The following CCAR1 variants were observed in gnomAD, a reference collection of about 807,000 sequenced individuals.
CCAR1 encodes the protein cell division cycle and apoptosis regulator protein 1.
CCAR1 carries 78 observed loss-of-function variants against 163.8 expected under a neutral mutation model. The ratio of observed to expected loss-of-function variants is 0.48; its 90% CI spans 0.40 to 0.57. CCAR1 has a LOEUF of 0.57. Among genes scored for constraint, CCAR1 ranks in the 20% least tolerant of loss-of-function variants. The probability of loss-of-function intolerance (pLI) is 0.00; values close to 1 mark genes in which losing one functional copy is unlikely to be tolerated. For synonymous variants in CCAR1, 443 were observed against 460.7 expected (o/e 0.96, Z 0.49); for missense variants, 1,019 against 1,365.2 (o/e 0.75, Z 4.00).
rs2056555462 is a variant in CCAR1, at chr10:68,767,910, A to G, written c.2298+1831A>G. 5.3e-5 allele frequency among the ~76,000 whole-genome samples: 8 copies of G among 152,336 alleles called. No homozygotes were observed. The South Asian group carries it at 1.7e-3, about 32-fold the overall frequency. On this transcript the variant is annotated intron_variant, in intron 17 of 24. Transcript: ENST00000265872. ...AAACAATTGAAAACTTTTATCTTTA[A>G]GTGTAATTGCTTCACTCCTTAAAAA... is the stretch of plus-strand genomic sequence containing the variant.
chr10:68,725,618 C>T (rs1047742602), intron 2 of CCAR1, among the ~76,000 whole-genome samples: 1 of 151,940 alleles, frequency 6.6e-6, no homozygotes, highest in African/African-American at 2.4e-5. Flanking sequence ...ATAAGTTTCC[C>T]AAGAATTCTA....
At chr10:68,743,608 T>C (rs1225587393) in intron 6 of CCAR1, among the ~76,000 whole-genome samples, 1 of 152,076 alleles carries the variant, frequency 6.6e-6, no homozygotes, top group African/African-American at 2.4e-5. Flanking sequence ...AGTGGCGTGA[T>C]CTCACCTCAC....
At chr10:68,790,311 C>T (rs1239295611) in intron 24 of CCAR1, among the ~76,000 whole-genome samples, 1 of 150,636 alleles carries the variant, frequency 6.6e-6, no homozygotes, top group Non-Finnish European at 1.5e-5. Context: ...GTCTAGATTG[C>T]ACCATTGCAC....
chr10:68,747,135 C>A, intron 6 of CCAR1, 26 bp from the exon 7 acceptor site: 1 of 1,194,994 alleles, frequency 8.4e-7, no homozygotes, highest in Non-Finnish European at 1.2e-6. Context: ...TTATATTTAA[C>A]TTTTTTTTTC....
At chr10:68,733,916 A>G (rs1250784695) in intron 2 of CCAR1, among the ~76,000 whole-genome samples, 2 of 152,122 alleles carry the variant, frequency 1.3e-5, no homozygotes, top group Non-Finnish European at 2.9e-5. Context: ...TACCCTGCTC[A>G]GCCTCCCAAA....
At chr10:68,749,367 T>G in intron 9 of CCAR1, 102 bp downstream of exon 9, 1 of 1,316,034 alleles carries the variant, frequency 7.6e-7, no homozygotes, top group Non-Finnish European at 1.0e-6. Context: ...AATTTTAAAA[T>G]GGTAAATTTT....
At chr10:68,724,988 G>A (rs1782327) in intron 2 of CCAR1, among the ~76,000 whole-genome samples, 130,139 of 151,576 alleles carry the variant, frequency 0.86, 56,265 homozygotes, top group East Asian at 0.97. Flanking sequence ...AAAATACAAA[G>A]GTAGCCTGGC....
chr10:68,775,006 TTTC>T (rs1208043008), intron 19 of CCAR1: 12 of 373,826 alleles, frequency 3.2e-5, no homozygotes, highest in Non-Finnish European at 5.0e-5. Flanking sequence ...GCCTCTACAT[TTTC>T]TTCTCTCTAC....
chr10:68,723,547 G>A (rs2055892215), intron 2 of CCAR1, among the ~76,000 whole-genome samples: 1 of 151,826 alleles, frequency 6.6e-6, no homozygotes, highest in Non-Finnish European at 1.5e-5. Flanking sequence ...GTATTAATGA[G>A]TTATGTTTAA....
intron 8 of CCAR1, 92 bp from the exon 9 acceptor site, chr10:68,749,044 A>C: frequency 6.9e-7 from 1 of 1,449,914 alleles, no homozygotes; most frequent in Non-Finnish European, 9.5e-7. Flanking sequence ...AGTCACTCTC[A>C]GTTATTTAAC....
At chr10:68,786,338 CAGTT>C in intron 20 of CCAR1, 120 bp downstream of exon 20, 3 of 823,504 alleles carry the variant, frequency 3.6e-6, no homozygotes, top group Non-Finnish European at 5.7e-6. Context: ...AAAATTCTGT[CAGTT>C]GTTTTTTTGT....
At chr10:68,784,309 G>A (rs768020221) in intron 19 of CCAR1, among the ~76,000 whole-genome samples, 1 of 151,724 alleles carries the variant, frequency 6.6e-6, no homozygotes, top group Non-Finnish European at 1.5e-5. Flanking sequence ...TCTGCCTCCC[G>A]GGTTCACACA....
intron 24 of CCAR1, among the ~76,000 whole-genome samples, chr10:68,790,891 G>A (rs1183001590): frequency 6.7e-6 from 1 of 150,336 alleles, no homozygotes; most frequent in African/African-American, 2.4e-5. Flanking sequence ...TAGAGACGGG[G>A]TTTCACCATC....
chr10:68,749,099 A>C, intron 8 of CCAR1, 37 bp from the exon 9 acceptor site: 1 of 1,612,710 alleles, frequency 6.2e-7, no homozygotes, highest in African/African-American at 1.3e-5. Context: ...AACTTTGTTT[A>C]GACACGCTAA....
In CCAR1 at chr10:68,766,090, A is replaced by C; in HGVS notation, c.2298+11A>C. 6.4e-7 allele frequency: 1 copy of C among 1,552,470 alleles called. No individual in the cohort carries two copies. The highest frequency in any genetic ancestry group is 1.4e-5 in the African/African-American group (1 of 73,816). On this transcript the variant is annotated intron_variant, in intron 17 of 24. Coordinates refer to ENST00000265872, the MANE Select transcript of CCAR1 (RefSeq NM_018237.4). Reference sequence around the variant, plus strand: ...GAACATTCATTTGAGGTAATGTTTTAAGTTTGAAATAAGATCCATATAAGG... The same window carrying C: ...GAACATTCATTTGAGGTAATGTTTTCAGTTTGAAATAAGATCCATATAAGG...
rs200832414 is a variant in CCAR1 at position 68,788,345 on chromosome 10, A to G, written c.3187+17A>G. 2 of 1,528,850 alleles carry G rather than the reference A, an allele frequency of 1.3e-6. No homozygotes were observed. The highest frequency in any genetic ancestry group is 2.8e-5 in the African/African-American group (2 of 72,008). 94.7% of individuals were successfully genotyped at this position (1,528,850 alleles called of 1,614,324 possible). A position where few individuals can be genotyped will look rare whatever the true frequency, so the allele number is the denominator to read the frequency against. On this transcript the variant is annotated intron_variant, in intron 23 of 24. Coordinates refer to ENST00000265872, the MANE Select transcript of CCAR1 (RefSeq NM_018237.4). ...AAAAAACAGGTAAGGGTCAGCTTTG[A>G]ATATGTTAATACTTTCAGCACCCTG...
intron 15 of CCAR1, among the ~76,000 whole-genome samples, chr10:68,758,647 G>GTA (rs145079985): frequency 3.5e-4 from 44 of 124,412 alleles, no homozygotes; most frequent in South Asian, 1.1e-3. Context: ...ATACACACGT[G>GTA]TATATATATA....
At chr10:68,775,287 C>T (rs2056650147) in intron 19 of CCAR1, among the ~76,000 whole-genome samples, 1 of 152,054 alleles carries the variant, frequency 6.6e-6, no homozygotes, top group Admixed American at 6.6e-5. Context: ...CTCTTATTTG[C>T]TTTAATATAG....
At chr10:68,729,722 A>G (rs931552510) in intron 2 of CCAR1, among the ~76,000 whole-genome samples, 6 of 151,938 alleles carry the variant, frequency 3.9e-5, no homozygotes, top group African/African-American at 1.4e-4. Context: ...AAAAAAATAC[A>G]AAAACATTTC....
Sources: allele counts gnomAD v4.1 joint callset (sites outside exome capture counted in the v4.1 genomes callset), GRCh38; gene constraint gnomAD v4.1.1; transcripts MANE v1.5; gene names NCBI Gene and HGNC (gene_info 2026-07-23, HGNC 2026-07-21).